Variants in PCDHA12 observed in about 807,000 individuals in gnomAD.
The protein encoded by PCDHA12 is protocadherin alpha 12.
A neutral mutation model predicts 60.0 loss-of-function variants in PCDHA12; 44 were observed. The observed-to-expected ratio is 0.73, with a 90% CI of 0.58 to 0.94. PCDHA12 has a LOEUF of 0.94. Ranked by LOEUF, PCDHA12 falls within the 40% of genes least tolerant of loss-of-function variation. The pLI, the probability that PCDHA12 is intolerant of heterozygous loss-of-function variation, is 0.00. For synonymous variants in PCDHA12, 569 were observed against 553.0 expected, an observed-to-expected ratio of 1.03 and a Z score of -0.40; for missense variants, 1,276 against 1,239.7, an observed-to-expected ratio of 1.03 and a Z score of -0.44.
At chr5:140,991,757 C>T (rs1554252410) in intron 3 of PCDHA12, among the ~76,000 whole-genome samples, 1 of 152,160 alleles carries the variant, frequency 6.6e-6, no homozygotes, top group African/African-American at 2.4e-5. Context: ...CTATCATGCT[C>T]TTCAAAATTC....
chr5:140,896,847 A>G (rs892276664), intron 1 of PCDHA12, among the ~76,000 whole-genome samples: 5 of 152,064 alleles, frequency 3.3e-5, no homozygotes, highest in African/African-American at 4.8e-5. Flanking sequence ...TTTTAATTTT[A>G]TGGGTACATA....
chr5:140,979,585 G>T (rs1486792990), intron 2 of PCDHA12, among the ~76,000 whole-genome samples: 1 of 152,156 alleles, frequency 6.6e-6, no homozygotes, highest in Non-Finnish European at 1.5e-5. Context: ...TCCAAATCTA[G>T]CTTACTTTAA....
At chr5:141,002,610 C>T (rs1191320958) in intron 3 of PCDHA12, among the ~76,000 whole-genome samples, 1 of 152,200 alleles carries the variant, frequency 6.6e-6, no homozygotes, top group Non-Finnish European at 1.5e-5. Context: ...ATAAAACAGA[C>T]ACATAACACA....
At chr5:140,884,213 G>C in intron 1 of PCDHA12, 1 of 1,613,532 alleles carries the variant, frequency 6.2e-7, no homozygotes, top group East Asian at 2.2e-5. Flanking sequence ...CCGCCTTCTG[G>C]TGCTGGTGAA....
chr5:140,933,032 G>A (rs1425582468), intron 1 of PCDHA12, among the ~76,000 whole-genome samples: 1 of 152,016 alleles, frequency 6.6e-6, no homozygotes, highest in Non-Finnish European at 1.5e-5. Flanking sequence ...AGAACTTCAA[G>A]TGAATATGGA....
At chr5:140,955,458 T>C (rs246018) in intron 1 of PCDHA12, among the ~76,000 whole-genome samples, 85,567 of 151,850 alleles carry the variant, frequency 0.56, 24,724 homozygotes, top group African/African-American at 0.69. Flanking sequence ...AAGGGCTTTT[T>C]CCTTTTTGCT....
chr5:140,885,941 T>G (rs2060783691), intron 1 of PCDHA12, among the ~76,000 whole-genome samples: 1 of 152,196 alleles, frequency 6.6e-6, no homozygotes, highest in Non-Finnish European at 1.5e-5. Flanking sequence ...TTTTTTGACA[T>G]TTTTAATTAA....
intron 1 of PCDHA12, among the ~76,000 whole-genome samples, chr5:140,899,542 G>A (rs2067394532): frequency 6.6e-6 from 1 of 152,156 alleles, no homozygotes; most frequent in Non-Finnish European, 1.5e-5. Flanking sequence ...ACTTGATCAT[G>A]GTGGATAAGC....
chr5:141,000,417 ATATATTTTTTT>A (rs2097924314), intron 3 of PCDHA12, among the ~76,000 whole-genome samples: 12 of 77,748 alleles, frequency 1.5e-4, no homozygotes, highest in Non-Finnish European at 2.3e-4. Flanking sequence ...ATATATATAT[ATATATTTTTTT>A]TTTTTTTTTT....
chr5:140,967,907 A>C (rs1311525554), intron 1 of PCDHA12: 1 of 1,614,180 alleles, frequency 6.2e-7, no homozygotes, highest in Non-Finnish European at 8.5e-7. Flanking sequence ...TGCTACACCC[A>C]ACACCATTGT....
At chr5:140,980,354 G>A (rs1387213682) in intron 2 of PCDHA12, among the ~76,000 whole-genome samples, 1 of 152,138 alleles carries the variant, frequency 6.6e-6, no homozygotes, top group Non-Finnish European at 1.5e-5. Flanking sequence ...TTCCTGGACT[G>A]GGCGCGGTGG....
chr5:140,967,332 C>T (rs1269679357), intron 1 of PCDHA12: 2 of 1,607,906 alleles, frequency 1.2e-6, no homozygotes, highest in Non-Finnish European at 1.7e-6. Context: ...GAGCTCAGCC[C>T]CAGCGAGCAC....
At chr5:140,978,520 C>T (rs2096807249) in intron 1 of PCDHA12, among the ~76,000 whole-genome samples, 1 of 152,214 alleles carries the variant, frequency 6.6e-6, no homozygotes, top group Non-Finnish European at 1.5e-5. Flanking sequence ...GCAGTCCAGC[C>T]AGGCCAGCAG....
chr5:140,990,280 G>C (rs1224210562), intron 3 of PCDHA12, among the ~76,000 whole-genome samples: 1 of 152,264 alleles, frequency 6.6e-6, no homozygotes, highest in African/African-American at 2.4e-5. Context: ...CCCGGGTCTT[G>C]AGATTATCGA....
chr5:141,011,237 A>G lies in PCDHA12; in HGVS notation c.*1300A>G, dbSNP rs562746586. Reference sequence around the variant, plus strand: ...GATTTTTCAATCTACTAATTCTGTGACTTGTCTTGGTGTGCTAGCCTACAC... The same window carrying G: ...GATTTTTCAATCTACTAATTCTGTGGCTTGTCTTGGTGTGCTAGCCTACAC... On this transcript the variant is annotated 3_prime_UTR_variant, in exon 4 of 4. Transcript: ENST00000398631. The G allele has an allele frequency of 6.5e-6, 1 of 153,754 alleles. No homozygotes were observed. Among genetic ancestry groups the G allele is most frequent in the South Asian group, 2.1e-4 (1 of 4,812 alleles). The allele number at this position is 153,754 out of a possible 1,614,324, so 9.5% of individuals were successfully genotyped here.
In PCDHA12 at chr5:140,993,233, G is replaced by A. The variant is rs143093605; in HGVS notation, c.2515+10670G>A. ...TTTAGCTTTTTGGTATGTTCTCTCT[G>A]AATCTGGGGATTTAGATATATAAAT... On this transcript the variant is annotated intron_variant, in intron 3 of 3. Coordinates refer to ENST00000398631, the MANE Select transcript of PCDHA12 (RefSeq NM_018903.4). Among the ~76,000 whole-genome samples the A allele has an allele frequency of 2.0e-5, 3 of 152,224 alleles. No individual in the cohort carries two copies. The East Asian group carries it at 5.8e-4, about 29-fold the overall frequency.
chr5:140,973,126 T>C (rs1554234908), intron 1 of PCDHA12, among the ~76,000 whole-genome samples: 1 of 152,144 alleles, frequency 6.6e-6, no homozygotes, highest in Non-Finnish European at 1.5e-5. Flanking sequence ...ATGAATTAAG[T>C]TTGCATTCAC....
chr5:140,992,017 C>CTG (rs10602499), intron 3 of PCDHA12, among the ~76,000 whole-genome samples: 19,643 of 145,468 alleles, frequency 0.14, 1,328 homozygotes, highest in East Asian at 0.18. Flanking sequence ...AGAGGTGGCT[C>CTG]TGTGTGTGTG....
At chr5:140,952,261 C>T (rs246037) in intron 1 of PCDHA12, among the ~76,000 whole-genome samples, 85,112 of 150,858 alleles carry the variant, frequency 0.56, 24,616 homozygotes, top group African/African-American at 0.69. Flanking sequence ...GATTCCCATT[C>T]TGGGGTCTTG....
Sources: allele counts gnomAD v4.1 joint callset (sites outside exome capture counted in the v4.1 genomes callset), GRCh38; gene constraint gnomAD v4.1.1; transcripts MANE v1.5; gene names NCBI Gene and HGNC (gene_info 2026-07-23, HGNC 2026-07-21).